Variants in NBEA observed in about 807,000 individuals in gnomAD.
NBEA encodes the protein neurobeachin.
NBEA carries 44 observed loss-of-function variants against 343.4 expected under a neutral mutation model. The ratio of observed to expected loss-of-function variants is 0.13; its 90% CI spans 0.10 to 0.16. NBEA has a LOEUF of 0.16. Ranked by LOEUF, NBEA falls within the 10% of genes least tolerant of loss-of-function variation. NBEA has a pLI of 1.00. For synonymous variants in NBEA, 1,175 were observed against 1,238.7 expected (o/e 0.95, Z 1.08); for missense variants, 2,555 against 3,631.3 (o/e 0.70, Z 7.62).
intron 17 of NBEA, 92 bp from the exon 18 acceptor site, chr13:35,142,177 C>G (rs2152695418): frequency 1.5e-6 from 1 of 671,968 alleles, no homozygotes; most frequent in East Asian, 2.6e-5. Flanking sequence ...TATTCTGTAT[C>G]TGCTTATAAA....
chr13:35,354,708 T>G (rs2040395310), intron 38 of NBEA, among the ~76,000 whole-genome samples: 1 of 152,204 alleles, frequency 6.6e-6, no homozygotes, highest in African/African-American at 2.4e-5. Flanking sequence ...AGTATTTGAT[T>G]AACTAATAGG....
intron 11 of NBEA, among the ~76,000 whole-genome samples, chr13:35,102,140 A>G (rs1312774488): frequency 6.6e-6 from 1 of 151,722 alleles, no homozygotes. Flanking sequence ...GGTATGAGGT[A>G]TAAGGGTCAA....
chr13:35,161,932 A>G lies in NBEA; in HGVS notation c.4044A>G (p.Leu1348=), dbSNP rs367946827. Residue 1348 remains leucine (L), a synonymous_variant, in exon 23 of 59, where the codon CTA becomes CTG. Transcript: ENST00000379939. ...ACCAGCGGCTTCTCACTGATTTACTATTTGCATTAGAAACTGATGTACATG... is the reference window on the plus strand; with the variant it reads ...ACCAGCGGCTTCTCACTGATTTACTGTTTGCATTAGAAACTGATGTACATG... ...PMHQRLLTDL[L]FALETDVHVW... The G allele has an allele frequency of 6.6e-4, 1,027 of 1,556,184 alleles. 1 individual carries two copies. The highest frequency in any genetic ancestry group is 7.1e-4 in the South Asian group (60 of 84,338).
chr13:34,943,275 C>G (rs2059087613), intron 1 of NBEA, among the ~76,000 whole-genome samples, 161 bp downstream of exon 1: 1 of 152,102 alleles, frequency 6.6e-6, no homozygotes, highest in Non-Finnish European at 1.5e-5. Context: ...CCTGCCTGCG[C>G]GCTGCTAGAG....
intron 41 of NBEA, chr13:35,475,349 G>A (rs2152960785): frequency 6.2e-7 from 1 of 1,614,060 alleles, no homozygotes; most frequent in East Asian, 2.2e-5. Flanking sequence ...TGGCCCGGCA[G>A]TTCAAGGTGA....
Position 35,094,581 on chromosome 13 carries a change from G to C in NBEA, c.1572-3716G>C, listed in dbSNP as rs980240338. Among the ~76,000 whole-genome samples the C allele has an allele frequency of 2.0e-5, 3 of 151,918 alleles. No homozygotes were observed. The South Asian group carries it at 6.2e-4, about 31-fold the overall frequency. On this transcript the variant is annotated intron_variant, in intron 10 of 58. Coordinates refer to ENST00000379939, the MANE Select transcript of NBEA (RefSeq NM_001385012.1). ...TCTTACAACTTATTGTGAGTTTTTT[G>C]TGTGTCACCGAAAATTATCTTGGAT...
chr13:35,108,053 A>AT (rs1439508548), intron 11 of NBEA, among the ~76,000 whole-genome samples: 1 of 152,094 alleles, frequency 6.6e-6, no homozygotes, highest in African/African-American at 2.4e-5. Context: ...TATCCTTATT[A>AT]TGAGCATGAA....
chr13:34,989,092 C>T (rs937813294), intron 1 of NBEA, among the ~76,000 whole-genome samples: 4 of 150,702 alleles, frequency 2.7e-5, no homozygotes, highest in Non-Finnish European at 3.0e-5. Context: ...GTTTTTTAGG[C>T]GTATCTCCCT....
chr13:35,191,471 T>G (rs959189031), intron 30 of NBEA, among the ~76,000 whole-genome samples: 2 of 152,122 alleles, frequency 1.3e-5, no homozygotes, highest in African/African-American at 4.8e-5. Flanking sequence ...ATACACTTAG[T>G]GTAGCAAGCA....
intron 1 of NBEA, among the ~76,000 whole-genome samples, chr13:34,987,640 G>A (rs1163948273): frequency 1.3e-5 from 2 of 150,984 alleles, no homozygotes; most frequent in Non-Finnish European, 1.5e-5. Context: ...CCAATCAAAC[G>A]TAGATTTGGT....
At chr13:34,967,306 T>C (rs999613212) in intron 1 of NBEA, among the ~76,000 whole-genome samples, 2 of 151,768 alleles carry the variant, frequency 1.3e-5, no homozygotes, top group African/African-American at 4.8e-5. Context: ...GGCTTTAACA[T>C]GTTAATAATT....
chr13:35,463,841 G>A (rs2047030947), intron 40 of NBEA, among the ~76,000 whole-genome samples: 1 of 152,004 alleles, frequency 6.6e-6, no homozygotes, highest in Non-Finnish European at 1.5e-5. Context: ...AGAGCAGAGG[G>A]GGCAGGGGAG....
chr13:35,208,768 C>A lies in NBEA; in HGVS notation c.5435C>A (p.Thr1812Asn), dbSNP rs200695994. The change falls in exon 32 of 59, where the codon ACT (threonine) becomes AAT (asparagine). Residue 1812 changes from threonine to asparagine, a missense_variant. Transcript: ENST00000379939. ...GCTGTAACCACTGTGGGAGCCACTA[C>A]TGCTGGAAGTGGGCTGCCAACAGGC... ...SLAVTTVGAT[T>N]AGSGLPTGST... is the part of the protein sequence containing the mutation. The A allele has an allele frequency of 3.4e-4, 542 of 1,611,756 alleles. 1 individual carries two copies. The highest frequency in any genetic ancestry group is 4.2e-4 in the Admixed American group (25 of 59,836).
intron 13 of NBEA, among the ~76,000 whole-genome samples, chr13:35,115,972 T>C (rs2066474306): frequency 6.6e-6 from 1 of 152,050 alleles, no homozygotes; most frequent in Non-Finnish European, 1.5e-5. Flanking sequence ...AATAAGGAAA[T>C]TATTACTAAG....
intron 16 of NBEA, among the ~76,000 whole-genome samples, chr13:35,120,082 A>T (rs1048917789): frequency 6.6e-6 from 1 of 152,218 alleles, no homozygotes; most frequent in Non-Finnish European, 1.5e-5. Context: ...ATTACTTGAT[A>T]AATTTAGTGA....
intron 56 of NBEA, 140 bp from the exon 57 acceptor site, chr13:35,667,234 T>A: frequency 1.5e-6 from 1 of 664,342 alleles, no homozygotes; most frequent in Non-Finnish European, 2.6e-6. Flanking sequence ...GCATCAGCGC[T>A]TGGCCTGGCC....
At chr13:35,121,925 T>C (rs2152674718) in intron 16 of NBEA, among the ~76,000 whole-genome samples, 1 of 152,314 alleles carries the variant, frequency 6.6e-6, no homozygotes, top group Middle Eastern at 3.4e-3. Flanking sequence ...TAAAGCACAC[T>C]ATAATGTTAC....
At chr13:35,611,806 A>T (rs968235920) in intron 48 of NBEA, among the ~76,000 whole-genome samples, 1 of 152,238 alleles carries the variant, frequency 6.6e-6, no homozygotes, top group Non-Finnish European at 1.5e-5. Context: ...TCACCCATTC[A>T]TCAGTTGATG....
At chr13:35,076,993 A>T (rs965253153) in intron 10 of NBEA, among the ~76,000 whole-genome samples, 1 of 152,068 alleles carries the variant, frequency 6.6e-6, no homozygotes, top group African/African-American at 2.4e-5. Context: ...ATCCTCAGAA[A>T]CCCAGAATAC....
Sources: gnomAD v4.1 joint callset for allele counts (sites outside exome capture counted in the v4.1 genomes callset) on GRCh38, gnomAD v4.1.1 for gene constraint, MANE v1.5 for transcripts, NCBI Gene and HGNC (gene_info 2026-07-23, HGNC 2026-07-21) for gene names.